Variants in FANCD2OS observed in about 807,000 individuals in gnomAD.
The protein encoded by FANCD2OS is FANCD2 opposite strand, also known as FANCD2 opposite strand protein.
In FANCD2OS, 11 loss-of-function variants were observed where a neutral mutation model predicts 13.2. The ratio of observed to expected loss-of-function variants is 0.83; its 90% CI spans 0.52 to 1.38. The LOEUF (loss-of-function observed/expected upper bound fraction) is 1.38. Ranked by LOEUF, FANCD2OS falls within the 40% of genes most tolerant of loss-of-function variation. FANCD2OS has a pLI of 0.00. For synonymous variants in FANCD2OS, 69 were observed against 84.5 expected (o/e 0.82, Z 1.01); for missense variants, 217 against 213.9 (o/e 1.01, Z -0.09).
intron 2 of FANCD2OS, chr3:10,095,397 A>T: frequency 3.7e-6 from 3 of 816,600 alleles, no homozygotes; most frequent in Non-Finnish European, 6.3e-6. Flanking sequence ...GTCCAAAGGC[A>T]GTTTATTCAG....
intron 2 of FANCD2OS, chr3:10,085,908 G>T (rs758625993): frequency 1.2e-6 from 2 of 1,610,938 alleles, no homozygotes; most frequent in South Asian, 1.1e-5. Context: ...GCCAGCCTTT[G>T]GAGGAACTAC....
intron 2 of FANCD2OS, chr3:10,092,324 G>A: frequency 8.5e-7 from 1 of 1,172,546 alleles, no homozygotes; most frequent in East Asian, 2.3e-5. Context: ...TTCCAAAATG[G>A]ACTTTCCTTG....
intron 2 of FANCD2OS, chr3:10,089,051 G>A: frequency 7.5e-7 from 1 of 1,325,744 alleles, no homozygotes; most frequent in South Asian, 1.2e-5. Context: ...GGGAGGCTGA[G>A]GCAGGAGGAT....
intron 2 of FANCD2OS, among the ~76,000 whole-genome samples, chr3:10,093,795 C>T (rs371741197): frequency 1.3e-5 from 2 of 152,202 alleles, no homozygotes; most frequent in Non-Finnish European, 2.9e-5. Flanking sequence ...TACTTCGCCA[C>T]TCCTCAAGTT....
chr3:10,095,032 A>C, intron 2 of FANCD2OS: 1 of 655,360 alleles, frequency 1.5e-6, no homozygotes, highest in East Asian at 2.8e-5. Context: ...GTTGAGAATA[A>C]GAGGTAGCTG....
downstream of FANCD2OS, chr3:10,101,064 TTA>T: frequency 1.0e-5 from 7 of 701,900 alleles, no homozygotes; most frequent in South Asian, 1.6e-5. Flanking sequence ...CAAGACTCCT[TTA>T]AAAAAAAAAA....
chr3:10,100,318 T>C (rs1324466884), downstream of FANCD2OS, among the ~76,000 whole-genome samples: 2 of 152,264 alleles, frequency 1.3e-5, no homozygotes, highest in Non-Finnish European at 2.9e-5. Flanking sequence ...CTCATACTAG[T>C]ATCGTAAGCC....
downstream of FANCD2OS, among the ~76,000 whole-genome samples, chr3:10,100,077 A>G: frequency 6.6e-6 from 1 of 151,880 alleles, no homozygotes; most frequent in Non-Finnish European, 1.5e-5. Context: ...GGTCCCTGCT[A>G]CACAGGAGGC....
intron 2 of FANCD2OS, among the ~76,000 whole-genome samples, chr3:10,083,280 A>G (rs1003583862): frequency 1.3e-5 from 2 of 152,164 alleles, no homozygotes; most frequent in African/African-American, 4.8e-5. Context: ...CAGAAAATAA[A>G]CCATCTCTAA....
At chr3:10,105,772 TTATATATATA>T (rs574690780) in intron 1 of FANCD2OS, among the ~76,000 whole-genome samples, 1,465 of 22,484 alleles carry the variant, frequency 0.065, 47 homozygotes, top group Admixed American at 0.13. Flanking sequence ...AAAAAAAAAA[TTATATATATA>T]TATATATATA....
rs1327307891 is a variant in FANCD2OS, at chr3:10,095,291, G to A, written c.*43+8907C>T. ...CATTCCAAGGTAAGAAGGGGAGCAG[G>A]TTCTATCAGCAGCCTGCCTGTTGGC... is the stretch of plus-strand genomic sequence containing the variant. On this transcript the variant is annotated intron_variant, in intron 2 of 2. Coordinates refer to the FANCD2OS transcript ENST00000524279. 6.2e-7 allele frequency: 1 copy of A among 1,610,444 alleles called. No individual in the cohort carries two copies. Among genetic ancestry groups the A allele is most frequent in the African/African-American group, 1.3e-5 (1 of 74,970 alleles).
chr3:10,101,102 A>C, downstream of FANCD2OS: 1 of 1,008,082 alleles, frequency 9.9e-7, no homozygotes, highest in Non-Finnish European at 1.6e-6. Context: ...ATAATAGTAC[A>C]GTTGTGTATC....
At chr3:10,086,784 C>A (rs1332508893) in intron 2 of FANCD2OS, among the ~76,000 whole-genome samples, 2 of 152,154 alleles carry the variant, frequency 1.3e-5, no homozygotes, top group Non-Finnish European at 2.9e-5. Flanking sequence ...GGCCTGTGAA[C>A]CCAGATTTTA....
In FANCD2OS at chr3:10,085,424, G is replaced by A. The variant is rs764866110; in HGVS notation, c.*44-3893C>T. On this transcript the variant is annotated intron_variant, in intron 2 of 2. Transcript: ENST00000524279. ...TTTTTTTTTTTTGAGATGGAGTCTC[G>A]CTCTGTCGCCAGGCTGGAGTGCAGT... Among the ~76,000 whole-genome samples, 6 of 135,446 alleles carry A rather than the reference G, an allele frequency of 4.4e-5. 1 individual carries two copies. The highest frequency in any genetic ancestry group is 4.5e-4 in the South Asian group (2 of 4,440). 88.9% of individuals were successfully genotyped at this position (135,446 alleles called of 152,430 possible). A position where few individuals can be genotyped will look rare whatever the true frequency, so the allele number is the denominator to read the frequency against.
chr3:10,088,768 A>C, intron 2 of FANCD2OS: 2 of 1,561,218 alleles, frequency 1.3e-6, no homozygotes, highest in Non-Finnish European at 1.8e-6. Context: ...GAATTAGAGG[A>C]ATCTGTAGTT....
intron 2 of FANCD2OS, among the ~76,000 whole-genome samples, chr3:10,096,799 A>C (rs768467457): frequency 2.6e-5 from 4 of 152,172 alleles, no homozygotes; most frequent in Non-Finnish European, 5.9e-5. Flanking sequence ...TCATAATAAC[A>C]TTTTTGTATA....
At chr3:10,103,343 G>A (rs1695374890), downstream of FANCD2OS, among the ~76,000 whole-genome samples, 2 of 151,806 alleles carry the variant, frequency 1.3e-5, no homozygotes, top group Admixed American at 6.6e-5. Flanking sequence ...CAGAGGTTGC[G>A]GTGAGCCGAG....
intron 2 of FANCD2OS, among the ~76,000 whole-genome samples, chr3:10,083,182 G>A (rs942589912): frequency 6.6e-6 from 1 of 151,490 alleles, no homozygotes; most frequent in African/African-American, 2.4e-5. Context: ...AGCCAAGATT[G>A]CAACACTGCA....
At position 10,085,847 on chromosome 3, in the gene FANCD2OS, T is replaced by G; in HGVS notation, c.*44-4316A>C. On this transcript the variant is annotated intron_variant, in intron 2 of 2. Coordinates refer to the FANCD2OS transcript ENST00000524279. Reference sequence around the variant, plus strand: ...TCTCAACCTGAAAATCAGAATTTACTGTATTCAGCCCTCCATGTCCTTAGT... The same window carrying G: ...TCTCAACCTGAAAATCAGAATTTACGGTATTCAGCCCTCCATGTCCTTAGT... The G allele has an allele frequency of 3.7e-6, 6 of 1,613,810 alleles. No individual in the cohort carries two copies. The highest frequency in any genetic ancestry group is 5.1e-6 in the Non-Finnish European group (6 of 1,179,736).
Sources: allele counts gnomAD v4.1 joint callset (sites outside exome capture counted in the v4.1 genomes callset), GRCh38; gene constraint gnomAD v4.1.1; transcripts MANE v1.5; gene names NCBI Gene and HGNC (gene_info 2026-07-23, HGNC 2026-07-21).